Variants in ANKRD30A observed in about 807,000 individuals in gnomAD.
ANKRD30A encodes ankyrin repeat domain 30A, also known as ankyrin repeat domain-containing protein 30A.
In ANKRD30A, 170 loss-of-function variants were observed where a neutral mutation model predicts 166.3. That is an observed-to-expected ratio of 1.02 (90% CI 0.90 to 1.16). The LOEUF (loss-of-function observed/expected upper bound fraction) is 1.16, where lower values mean the gene tolerates loss of function less well. Ranked by LOEUF, ANKRD30A falls within the 50% of genes most tolerant of loss-of-function variation. The pLI, the probability that ANKRD30A is intolerant of heterozygous loss-of-function variation, is 0.00. For missense variants in ANKRD30A, 1,630 were observed against 1,518.0 expected (o/e 1.07, Z -1.23); for synonymous variants, 564 against 508.9 (o/e 1.11, Z -1.46).
At chr10:37,128,562 TAAA>T (rs1411837140) in intron 1 of ANKRD30A, among the ~76,000 whole-genome samples, 4 of 151,984 alleles carry the variant, frequency 2.6e-5, no homozygotes, top group Non-Finnish European at 5.9e-5. Flanking sequence ...ATTAGAAAAA[TAAA>T]AGAGCAAATA....
intron 30 of ANKRD30A, among the ~76,000 whole-genome samples, 190 bp from the exon 31 acceptor site, chr10:37,201,045 C>G (rs1355527679): frequency 5.9e-5 from 9 of 151,830 alleles, no homozygotes; most frequent in African/African-American, 2.2e-4. Context: ...ACATAAAGAT[C>G]AGCTTGATGT....
chr10:37,211,263 G>A (rs1842297797), intron 31 of ANKRD30A, among the ~76,000 whole-genome samples: 1 of 151,828 alleles, frequency 6.6e-6, no homozygotes, highest in South Asian at 2.1e-4. Flanking sequence ...TTAACATTAG[G>A]TATATCTCCT....
the ANKRD30A span, among the ~76,000 whole-genome samples, chr10:37,240,140 A>ATATTTAATG: frequency 6.6e-6 from 1 of 152,146 alleles, no homozygotes; most frequent in African/African-American, 2.4e-5. Context: ...TTTTGTACAC[A>ATATTTAATG]TATTTAATGA....
At chr10:37,161,404 G>A (rs190420067) in intron 15 of ANKRD30A, among the ~76,000 whole-genome samples, 2 of 152,110 alleles carry the variant, frequency 1.3e-5, no homozygotes, top group African/African-American at 4.8e-5. Context: ...ATTTGAAACA[G>A]TGTTGTATGG....
At chr10:37,232,605 C>G (rs1318463057), downstream of ANKRD30A, 4 of 133,280 alleles carry the variant, frequency 3.0e-5, no homozygotes, top group Non-Finnish European at 4.7e-5. Context: ...TTCTGGAGAT[C>G]CCAAAATGAT....
chr10:37,190,354 C>A (rs1052646746), intron 25 of ANKRD30A, among the ~76,000 whole-genome samples: 24 of 151,630 alleles, frequency 1.6e-4, no homozygotes, highest in African/African-American at 5.8e-4. Context: ...GGAAGCAGAG[C>A]AACTGGATAG....
intron 1 of ANKRD30A, among the ~76,000 whole-genome samples, chr10:37,127,834 A>G (rs1836144754): frequency 6.6e-6 from 1 of 152,144 alleles, no homozygotes; most frequent in Non-Finnish European, 1.5e-5. Context: ...GACTTTTCAA[A>G]TAGACAATTT....
At chr10:37,213,032 G>A (rs1364225617) in intron 31 of ANKRD30A, among the ~76,000 whole-genome samples, 1 of 151,796 alleles carries the variant, frequency 6.6e-6, no homozygotes, top group Non-Finnish European at 1.5e-5. Context: ...TTGTTTTCAA[G>A]AGCTAGTTTG....
rs1413775611 is a variant in ANKRD30A at position 37,172,639 on chromosome 10, A to C, written c.2258-1073A>C. ...GGCAGGTAATTCTGGAGACTCTGAG[A>C]AGAACAGTTGAGTGAACTCACTTCA... On this transcript the variant is annotated intron_variant, in intron 21 of 35. Transcript: ENST00000361713. Among the ~76,000 whole-genome samples, 4 of 137,278 alleles carry C rather than the reference A, an allele frequency of 2.9e-5. No individual in the cohort carries two copies. The East Asian group carries it at 8.4e-4, about 29-fold the overall frequency. The allele number at this position is 137,278 out of a possible 152,430, so 90.1% of individuals were successfully genotyped here.
At chr10:37,235,982 A>T (rs942593969), downstream of ANKRD30A, among the ~76,000 whole-genome samples, 4 of 151,884 alleles carry the variant, frequency 2.6e-5, no homozygotes, top group African/African-American at 9.7e-5. Context: ...GTTAGCCAGG[A>T]TGGTCTCGAT....
At chr10:37,155,671 T>C (rs1425927519) in intron 13 of ANKRD30A, among the ~76,000 whole-genome samples, 23 of 152,234 alleles carry the variant, frequency 1.5e-4, no homozygotes, top group Admixed American at 1.4e-3. Flanking sequence ...AGTCAGCATA[T>C]ACATATTGGT....
At chr10:37,202,391 G>A (rs1289896630) in intron 31 of ANKRD30A, among the ~76,000 whole-genome samples, 1 of 151,958 alleles carries the variant, frequency 6.6e-6, no homozygotes. Context: ...ATGACTACTG[G>A]GTACATAACG....
intron 13 of ANKRD30A, among the ~76,000 whole-genome samples, chr10:37,157,341 A>G (rs1309468179): frequency 6.6e-6 from 1 of 152,168 alleles, no homozygotes; most frequent in Non-Finnish European, 1.5e-5. Context: ...TGATATGTAA[A>G]AAGTCTCTAG....
the ANKRD30A span, among the ~76,000 whole-genome samples, chr10:37,257,121 G>A: frequency 5.3e-5 from 8 of 151,966 alleles, no homozygotes; most frequent in African/African-American, 1.4e-4. Context: ...GTTTCATGGC[G>A]GGAGGGTGTA....
intron 24 of ANKRD30A, chr10:37,178,721 A>G: frequency 3.0e-6 from 2 of 658,304 alleles, no homozygotes; most frequent in Non-Finnish European, 3.8e-6. Flanking sequence ...GGGAAAAAAT[A>G]ATTTTAACAG....
rs562256802 is a variant in ANKRD30A, at chr10:37,152,190, T to G, written c.1707+69T>G. The G allele has an allele frequency of 2.4e-4, 311 of 1,323,092 alleles. 1 individual carries two copies. The African/African-American group carries it at 4.2e-3, about 18-fold the overall frequency. 82.0% of individuals were successfully genotyped at this position (1,323,092 alleles called of 1,614,324 possible). ...ATATGAAAACATAAAGGCAGAGGCT[T>G]AGGCTTTATTTTCTCGCCTCTTCAT... On this transcript the variant is annotated intron_variant, in intron 12 of 35. Transcript: ENST00000361713.
Position 37,159,209 on chromosome 10 carries a change from A to G in ANKRD30A, c.1900+623A>G, listed in dbSNP as rs1234833431. 3.9e-5 allele frequency among the ~76,000 whole-genome samples: 6 copies of G among 152,158 alleles called. No homozygotes were observed. The South Asian group carries it at 1.0e-3, about 26-fold the overall frequency. On this transcript the variant is annotated intron_variant, in intron 15 of 35. Transcript: ENST00000361713. ...TGAATTAGTTTTTGCTGTCATTCCC[A>G]TGCACGTTTAAAACATTTTACAACA...
downstream of ANKRD30A, among the ~76,000 whole-genome samples, chr10:37,234,473 G>A (rs1266822681): frequency 6.6e-6 from 1 of 151,896 alleles, no homozygotes; most frequent in Non-Finnish European, 1.5e-5. Context: ...TTTTAGGTTT[G>A]AAAGTTATAT....
chr10:37,244,920 C>G, the ANKRD30A span, among the ~76,000 whole-genome samples: 1 of 152,140 alleles, frequency 6.6e-6, no homozygotes, highest in African/African-American at 2.4e-5. Flanking sequence ...ACAACCATAG[C>G]TTTCTGTTTT....
Sources: gnomAD v4.1 joint callset for allele counts (sites outside exome capture counted in the v4.1 genomes callset) on GRCh38, gnomAD v4.1.1 for gene constraint, MANE v1.5 for transcripts, NCBI Gene and HGNC (gene_info 2026-07-23, HGNC 2026-07-21) for gene names.